The following TECPR2 variants were observed in gnomAD, a reference collection of about 807,000 sequenced individuals.
The protein encoded by TECPR2 is tectonin beta-propeller repeat-containing protein 2.
A neutral mutation model predicts 138.1 loss-of-function variants in TECPR2; 65 were observed. The ratio of observed to expected loss-of-function variants is 0.47; its 90% confidence interval spans 0.39 to 0.58. TECPR2 has a LOEUF of 0.58. Among genes scored for constraint, TECPR2 ranks in the 20% least tolerant of loss-of-function variants. TECPR2 has a pLI of 0.00. For missense variants in TECPR2, 1,553 were observed against 1,824.5 expected (o/e 0.85, Z 2.71); for synonymous variants, 746 against 749.8 (o/e 0.99, Z 0.08).
At position 102,445,815 on chromosome 14, in the gene TECPR2, A is replaced by G; in HGVS notation, c.2943A>G (p.Gln981=). Residue 981 remains glutamine, a synonymous_variant, in exon 13 of 20, where the codon CAA becomes CAG. Transcript: ENST00000359520. ...QWKCDIVSER[Q]ALEPVCITLG... is the part of the protein sequence containing the mutation. ...TCCTCCTTATTTTCAGCGAAAGGCA[A>G]GCTTTAGAACCCGTCTGCATAACGC... is the stretch of plus-strand genomic sequence containing the variant. 6.2e-7 allele frequency: 1 copy of G among 1,613,656 alleles called. No homozygotes were observed. Among genetic ancestry groups the G allele is most frequent in the Non-Finnish European group, 8.5e-7 (1 of 1,179,826 alleles).
chr14:102,446,025 C>G, intron 13 of TECPR2, 78 bp downstream of exon 13: 4 of 1,453,992 alleles, frequency 2.8e-6, no homozygotes, highest in Non-Finnish European at 3.7e-6. Context: ...CTCTCTTTTC[C>G]TTAACGATAC....
At chr14:102,371,101 AT>A (rs894807326) in intron 1 of TECPR2, among the ~76,000 whole-genome samples, 5 of 152,104 alleles carry the variant, frequency 3.3e-5, no homozygotes, top group African/African-American at 1.2e-4. Context: ...TTTTAGGAGC[AT>A]TGGGATTTGA....
intron 17 of TECPR2, among the ~76,000 whole-genome samples, chr14:102,475,860 T>C (rs1393125647): frequency 2.0e-5 from 3 of 152,284 alleles, no homozygotes; most frequent in African/African-American, 7.2e-5. Context: ...TACACCTTTA[T>C]GTGTTCAAGA....
chr14:102,465,592 A>G (rs1245526802), intron 17 of TECPR2: 2 of 1,062,136 alleles, frequency 1.9e-6, no homozygotes, highest in South Asian at 4.0e-5. Context: ...ATCTGCCTAT[A>G]TATTGGAACC....
chr14:102,446,000 C>A (rs1889968260), intron 13 of TECPR2, 53 bp downstream of exon 13: 6 of 1,551,738 alleles, frequency 3.9e-6, no homozygotes, highest in Non-Finnish European at 5.2e-6. Context: ...TTTTCTGCTT[C>A]CCCTTTTCTT....
In TECPR2 at chr14:102,498,494, C is replaced by T. The variant is rs1488350711; in HGVS notation, c.*237C>T. ...GGCGCCTCCTAGCTCAGGACAGTGG[C>T]GACTGCCCGGCTGCATGCACTCCGA... On this transcript the variant is annotated 3_prime_UTR_variant, in exon 20 of 20. Transcript: ENST00000359520. 2 of 586,324 alleles carry T rather than the reference C, an allele frequency of 3.4e-6. No individual in the cohort carries two copies. The highest frequency in any genetic ancestry group is 3.0e-6 in the Non-Finnish European group (1 of 332,842). The allele number at this position is 586,324 out of a possible 1,614,324, so 36.3% of individuals were successfully genotyped here.
At chr14:102,387,082 A>G (rs1037437382) in intron 2 of TECPR2, among the ~76,000 whole-genome samples, 7 of 152,216 alleles carry the variant, frequency 4.6e-5, no homozygotes, top group Non-Finnish European at 7.3e-5. Flanking sequence ...GGGAAAATCT[A>G]AGATTTTATG....
chr14:102,481,175 T>C (rs1025909357), intron 17 of TECPR2, among the ~76,000 whole-genome samples: 1 of 152,188 alleles, frequency 6.6e-6, no homozygotes, highest in African/African-American at 2.4e-5. Flanking sequence ...ACTATGTATT[T>C]GTATTTTTAG....
At chr14:102,384,931 A>G (rs893572814) in intron 2 of TECPR2, among the ~76,000 whole-genome samples, 1 of 130,492 alleles carries the variant, frequency 7.7e-6, no homozygotes, top group Admixed American at 1.0e-4. Flanking sequence ...ATCTCGGCTC[A>G]CTGCGACCTC....
At chr14:102,432,791 G>A (rs1284317197) in intron 8 of TECPR2, among the ~76,000 whole-genome samples, 1 of 151,958 alleles carries the variant, frequency 6.6e-6, no homozygotes, top group East Asian at 2.0e-4. Flanking sequence ...GGATCACGAG[G>A]TCAAGAGATT....
chr14:102,465,320 C>G, intron 17 of TECPR2, 31 bp downstream of exon 17: 1 of 1,609,816 alleles, frequency 6.2e-7, no homozygotes. Flanking sequence ...GGAACTCACT[C>G]TTCAGTAAGA....
At chr14:102,425,837 T>C (rs1889305065) in intron 6 of TECPR2, among the ~76,000 whole-genome samples, 1 of 149,088 alleles carries the variant, frequency 6.7e-6, no homozygotes, top group African/African-American at 2.5e-5. Flanking sequence ...GCCTCCCAAA[T>C]TGCTGGGATT....
In TECPR2 at chr14:102,428,380, CA is replaced by C; in HGVS notation, c.1083del (p.Val362Ter). ...ISSRPEGLTS[T>X]VRDGLEMSGC... is the part of the protein sequence containing the mutation. ...AGCAGGCCTGAAGGATTAACATCAA[CA>C]GGTTTGTATTTATTATAAAATGTAC... On this transcript the variant is annotated frameshift_variant and splice_region_variant, in exon 7 of 20. Coordinates refer to ENST00000359520, the MANE Select transcript of TECPR2 (RefSeq NM_014844.5). LOFTEE classifies it high-confidence loss of function. The C allele has an allele frequency of 6.2e-7, 1 of 1,607,922 alleles. No homozygotes were observed. The highest frequency in any genetic ancestry group is 1.1e-5 in the South Asian group (1 of 89,020).
intron 7 of TECPR2, among the ~76,000 whole-genome samples, chr14:102,431,545 T>C (rs1026898014): frequency 1.3e-5 from 2 of 152,072 alleles, no homozygotes; most frequent in Non-Finnish European, 2.9e-5. Context: ...GGTTTCACTG[T>C]GTTAGCCAGG....
At chr14:102,489,446 G>A (rs946545608) in intron 17 of TECPR2, among the ~76,000 whole-genome samples, 1 of 151,506 alleles carries the variant, frequency 6.6e-6, no homozygotes, top group African/African-American at 2.4e-5. Flanking sequence ...GTGAAACCCT[G>A]TCTCTATCCC....
intron 17 of TECPR2, among the ~76,000 whole-genome samples, chr14:102,484,244 A>G (rs919781261): frequency 1.3e-5 from 2 of 152,070 alleles, no homozygotes; most frequent in Non-Finnish European, 2.9e-5. Flanking sequence ...TATTTCCATG[A>G]TCACATGTTT....
chr14:102,432,028 C>T lies in TECPR2; in HGVS notation c.1317C>T (p.Pro439=), dbSNP rs1555451226. ...CTGAGCTGGGCAAGGGCAGCCAGCCCCTGTCACAGAGATTCAACGCCATCA... is the reference window on the plus strand; with the variant it reads ...CTGAGCTGGGCAAGGGCAGCCAGCCTCTGTCACAGAGATTCAACGCCATCA... The part of the protein sequence containing the change: ...ATPELGKGSQ[P]LSQRFNAISS... Residue 439 remains proline, a synonymous_variant, in exon 8 of 20, where the codon CCC becomes CCT. Transcript: ENST00000359520. 3 of 1,612,938 alleles carry T rather than the reference C, an allele frequency of 1.9e-6. No individual in the cohort carries two copies. Among genetic ancestry groups the T allele is most frequent in the Admixed American group, 3.3e-5 (2 of 59,998 alleles).
rs1595129187 is a variant in TECPR2, at chr14:102,443,480, G to A, written c.2753-167G>A. 6.6e-6 allele frequency among the ~76,000 whole-genome samples: 1 copy of A among 151,822 alleles called. No individual in the cohort carries two copies. Among genetic ancestry groups the A allele is most frequent in the South Asian group, 2.1e-4 (1 of 4,812 alleles). On this transcript the variant is annotated intron_variant, in intron 11 of 19. Transcript: ENST00000359520. The surrounding 1 kb of genome is among the most constrained non-coding windows in gnomAD (Gnocchi z 4.9). Reference sequence around the variant, plus strand: ...AGCCTGGGCAACGTAGAAAGGCCCCGTCTATATTTTTAATTAATTAATTAA... The same window carrying A: ...AGCCTGGGCAACGTAGAAAGGCCCCATCTATATTTTTAATTAATTAATTAA...
intron 16 of TECPR2, among the ~76,000 whole-genome samples, chr14:102,457,267 T>A (rs1273614571): frequency 6.6e-6 from 1 of 152,106 alleles, no homozygotes; most frequent in Non-Finnish European, 1.5e-5. Context: ...GTGTTTTTAG[T>A]AGAGACGGGG....
Sources: gnomAD v4.1 joint callset for allele counts (sites outside exome capture counted in the v4.1 genomes callset) on GRCh38, gnomAD v4.1.1 for gene constraint, Gnocchi (gnomAD v3.1) non-coding constraint, MANE v1.5 for transcripts, NCBI Gene and HGNC (gene_info 2026-07-23, HGNC 2026-07-21) for gene names.